Variants in INPP4B observed in about 807,000 individuals in gnomAD.
INPP4B encodes inositol polyphosphate-4-phosphatase type II B, also known as inositol polyphosphate 4-phosphatase type II.
A neutral mutation model predicts 122.5 loss-of-function variants in INPP4B; 55 were observed. That is an observed-to-expected ratio of 0.45 (90% confidence interval 0.36 to 0.56). INPP4B has a LOEUF of 0.56. Ranked by LOEUF, INPP4B falls within the 20% of genes least tolerant of loss-of-function variation. INPP4B has a pLI of 0.00. For synonymous variants in INPP4B, 403 were observed against 388.7 expected (o/e 1.04, Z -0.43); for missense variants, 1,000 against 1,097.7 (o/e 0.91, Z 1.26).
chr4:142,785,677 G>A (rs949508929), intron 1 of INPP4B, among the ~76,000 whole-genome samples: 1 of 151,876 alleles, frequency 6.6e-6, no homozygotes, highest in African/African-American at 2.4e-5. Flanking sequence ...TGTGAAACAA[G>A]TTCAAAAAAT....
chr4:142,149,255 A>C (rs1413831544), intron 17 of INPP4B, among the ~76,000 whole-genome samples: 2 of 152,222 alleles, frequency 1.3e-5, no homozygotes, highest in Non-Finnish European at 2.9e-5. Context: ...GTAGAGAAAG[A>C]GGGAGGAAGC....
At chr4:142,589,854 C>T (rs1737049007) in intron 2 of INPP4B, among the ~76,000 whole-genome samples, 1 of 151,888 alleles carries the variant, frequency 6.6e-6, no homozygotes, top group South Asian at 2.1e-4. Flanking sequence ...TGTAATCAGC[C>T]CAAACTGGAA....
chr4:142,038,859 T>C (rs1036051576), intron 25 of INPP4B, among the ~76,000 whole-genome samples: 1 of 152,082 alleles, frequency 6.6e-6, no homozygotes, highest in Non-Finnish European at 1.5e-5. Context: ...TTTTTAGATA[T>C]TTTTTTTCAT....
intron 2 of INPP4B, among the ~76,000 whole-genome samples, chr4:142,552,047 C>A (rs1269538531): frequency 2.0e-5 from 3 of 152,132 alleles, no homozygotes; most frequent in Non-Finnish European, 4.4e-5. Context: ...GCAATTGACT[C>A]AGCATCAACC....
At chr4:142,188,738 A>C (rs1834384161) in intron 15 of INPP4B, among the ~76,000 whole-genome samples, 1 of 151,610 alleles carries the variant, frequency 6.6e-6, no homozygotes. Flanking sequence ...CTTTCAAATC[A>C]CTCTCTCTCT....
chr4:142,361,401 T>C (rs534123395), intron 7 of INPP4B, among the ~76,000 whole-genome samples: 40 of 152,152 alleles, frequency 2.6e-4, no homozygotes, highest in African/African-American at 9.1e-4. Flanking sequence ...GGCACTGCTA[T>C]TTCCCTACTT....
chr4:142,327,128 T>A (rs114002619), intron 7 of INPP4B, among the ~76,000 whole-genome samples: 43 of 152,086 alleles, frequency 2.8e-4, no homozygotes, highest in African/African-American at 9.7e-4. Flanking sequence ...AAAAACACCA[T>A]CGTTAGGTAT....
chr4:142,079,578 G>C (rs1475684000), intron 25 of INPP4B, among the ~76,000 whole-genome samples: 1 of 151,984 alleles, frequency 6.6e-6, no homozygotes, highest in Non-Finnish European at 1.5e-5. Context: ...AAATTTATAA[G>C]AGTTATATGT....
chr4:142,379,280 A>T lies in INPP4B; in HGVS notation c.372+23658T>A, dbSNP rs114642151. On this transcript the variant is annotated intron_variant, in intron 7 of 25. Transcript: ENST00000262992. Reference sequence around the variant, plus strand: ...TGTGAATTCACACTATGAATTCCTTAGGACATGGTATAGTGAGCAGCTGCA... The same window carrying T: ...TGTGAATTCACACTATGAATTCCTTTGGACATGGTATAGTGAGCAGCTGCA... Among the ~76,000 whole-genome samples the T allele has an allele frequency of 5.1e-3, 778 of 152,276 alleles. 5 individuals carry two copies. The highest frequency in any genetic ancestry group is 0.018 in the African/African-American group (739 of 41,552).
At chr4:142,398,411 T>C (rs1189515432) in intron 7 of INPP4B, among the ~76,000 whole-genome samples, 4 of 14,642 alleles carry the variant, frequency 2.7e-4, no homozygotes, top group African/African-American at 5.8e-4. Context: ...AATATATATA[T>C]ATATATATAT....
At chr4:142,663,291 A>G (rs1234628399) in intron 2 of INPP4B, among the ~76,000 whole-genome samples, 1 of 152,230 alleles carries the variant, frequency 6.6e-6, no homozygotes, top group East Asian at 1.9e-4. Flanking sequence ...ACATTCAAGA[A>G]CTAAGAGAAG....
chr4:142,814,206 G>A (rs1779851867), intron 1 of INPP4B, among the ~76,000 whole-genome samples: 1 of 152,154 alleles, frequency 6.6e-6, no homozygotes, highest in African/African-American at 2.4e-5. Context: ...CCTCTCTAGA[G>A]GAGATTGTAT....
In INPP4B at chr4:142,270,682, G is replaced by T. The variant is rs1561695937; in HGVS notation, c.596C>A (p.Thr199Lys). The change falls in exon 10 of 26, where the codon ACA (threonine) becomes AAA (lysine). Residue 199 changes from threonine (T) to lysine (K), a missense_variant. Coordinates refer to ENST00000262992, the MANE Select transcript of INPP4B (RefSeq NM_001101669.3). ...TCCTACCTTTTGTCCCTGTACATCT[G>T]TGGTGATGTGGTCGGCTTCCCCATC... ...IEDGEADHIT[T>K]DVQGQKCALV... The T allele has an allele frequency of 1.2e-6, 2 of 1,606,472 alleles. No individual in the cohort carries two copies. Among genetic ancestry groups the T allele is most frequent in the Middle Eastern group, 1.7e-4 (1 of 6,044 alleles).
At chr4:142,810,223 C>T (rs1297406510) in intron 1 of INPP4B, among the ~76,000 whole-genome samples, 1 of 151,204 alleles carries the variant, frequency 6.6e-6, no homozygotes, top group African/African-American at 2.4e-5. Context: ...CTTAATGCCA[C>T]TGGATTATAC....
At chr4:142,161,521 T>C (rs1820084284) in intron 16 of INPP4B, among the ~76,000 whole-genome samples, 3 of 151,936 alleles carry the variant, frequency 2.0e-5, no homozygotes, top group South Asian at 4.1e-4. Flanking sequence ...TAATAATTGA[T>C]ATTGCCACCA....
intron 15 of INPP4B, among the ~76,000 whole-genome samples, chr4:142,176,467 T>C (rs1431700661): frequency 6.6e-6 from 1 of 152,148 alleles, no homozygotes; most frequent in Non-Finnish European, 1.5e-5. Context: ...TTTACTATTA[T>C]TCTTTCCCAG....
chr4:142,560,653 G>A (rs1478459951), intron 2 of INPP4B: 2 of 152,212 alleles, frequency 1.3e-5, no homozygotes, highest in Non-Finnish European at 1.5e-5. Context: ...TCTGATGTTC[G>A]AGGGCAGGAA....
At chr4:142,638,082 T>C (rs887581848) in intron 2 of INPP4B, among the ~76,000 whole-genome samples, 2 of 152,238 alleles carry the variant, frequency 1.3e-5, no homozygotes, top group Non-Finnish European at 1.5e-5. Flanking sequence ...AAATTCTTTA[T>C]ACATTTTAGA....
At chr4:142,778,844 A>G (rs1774337805) in intron 1 of INPP4B, among the ~76,000 whole-genome samples, 1 of 152,140 alleles carries the variant, frequency 6.6e-6, no homozygotes, top group Non-Finnish European at 1.5e-5. Flanking sequence ...GTTTTTAATG[A>G]CTTGTGATTT....
Sources: gnomAD v4.1 joint callset for allele counts (sites outside exome capture counted in the v4.1 genomes callset) on GRCh38, gnomAD v4.1.1 for gene constraint, MANE v1.5 for transcripts, NCBI Gene and HGNC (gene_info 2026-07-23, HGNC 2026-07-21) for gene names.